PC: variants seen among roughly 807,000 people sequenced by gnomAD.
The protein encoded by PC is pyruvate carboxylase.
In PC, 46 loss-of-function variants were observed where a neutral mutation model predicts 107.8. The observed-to-expected ratio is 0.43, with a 90% CI of 0.34 to 0.55. The LOEUF is 0.55. PC is among the 20% of genes least tolerant of loss of function. The pLI is 0.04. For synonymous variants in PC, 662 were observed against 684.7 expected, an observed-to-expected ratio of 0.97 and a Z score of 0.52; for missense variants, 1,241 against 1,643.1, an observed-to-expected ratio of 0.76 and a Z score of 4.23.
At position 66,944,486 on chromosome 11, in the gene PC, G is replaced by C. The variant is rs1427898791; in HGVS notation, c.-1+7944C>G. On this transcript the variant is annotated intron_variant, in intron 3 of 22. Transcript: ENST00000393960. Reference sequence around the variant, plus strand: ...CCCAGCTACTCAGGAGTCTGAGGCAGGAGAATCGCTTGAACCTGGGAGGCA... The same window carrying C: ...CCCAGCTACTCAGGAGTCTGAGGCACGAGAATCGCTTGAACCTGGGAGGCA... Among the ~76,000 whole-genome samples the C allele has an allele frequency of 1.8e-5, 2 of 110,684 alleles. 1 individual carries two copies. The highest frequency in any genetic ancestry group is 4.0e-5 in the Non-Finnish European group (2 of 50,580). 72.6% of individuals were successfully genotyped at this position (110,684 alleles called of 152,430 possible). A position where few individuals can be genotyped will look rare whatever the true frequency, so the allele number is the denominator to read the frequency against.
intron 3 of PC, among the ~76,000 whole-genome samples, chr11:66,888,804 A>AGG (rs1157746378): frequency 6.6e-6 from 1 of 152,220 alleles, no homozygotes; most frequent in Non-Finnish European, 1.5e-5. Flanking sequence ...GGCTGGGTGC[A>AGG]GTGGCTCACA....
In PC at chr11:66,858,858, C is replaced by T. The variant is rs1383806190; in HGVS notation, c.1368+4916G>A. 1 of 1,554,438 alleles carries T rather than the reference C, an allele frequency of 6.4e-7. No homozygotes were observed. Among genetic ancestry groups the T allele is most frequent in the Non-Finnish European group, 8.7e-7 (1 of 1,150,260 alleles). On this transcript the variant is annotated intron_variant, in intron 12 of 22. Transcript: ENST00000393960. This position sits in a 1 kb window ranked among gnomAD's most constrained non-coding sequence, Gnocchi z 5.9. ...AGTAGAACTGCGGGTGCTGGCCTTG[C>T]CCCATGGTGGGAACAGCAGTGCCGA...
Position 66,849,016 on chromosome 11 carries a change from G to C in PC, c.3420C>G (p.Leu1140=). 1.2e-6 allele frequency: 2 copies of C among 1,614,118 alleles called. No homozygotes were observed. The highest frequency in any genetic ancestry group is 1.7e-6 in the Non-Finnish European group (2 of 1,180,046). ...CCACAGTCTCCATCTTCATGGCACTGAGCACACACAGGGGCTGGCCCTTGG... is the reference window on the plus strand; with the variant it reads ...CCACAGTCTCCATCTTCATGGCACTCAGCACACACAGGGGCTGGCCCTTGG... ...KVAKGQPLCV[L]SAMKMETVVT... The change falls in exon 23 of 23, where the codon CTC becomes CTG. Residue 1140 remains leucine, a synonymous_variant. Transcript: ENST00000393960.
intron 3 of PC, among the ~76,000 whole-genome samples, chr11:66,875,661 G>A (rs1186176646): frequency 6.6e-6 from 1 of 152,132 alleles, no homozygotes; most frequent in Non-Finnish European, 1.5e-5. Flanking sequence ...GAGTTGGGCA[G>A]AGCATGACTC....
At chr11:66,934,377 T>C (rs1948943509) in intron 3 of PC, 1 of 153,248 alleles carries the variant, frequency 6.5e-6, no homozygotes, top group Admixed American at 6.5e-5. Flanking sequence ...GTGTGTTATT[T>C]CATTTGTACA....
At chr11:66,909,523 T>C (rs1399432752) in intron 3 of PC, among the ~76,000 whole-genome samples, 3 of 152,198 alleles carry the variant, frequency 2.0e-5, no homozygotes, top group Admixed American at 6.5e-5. Flanking sequence ...CACAGGCTGC[T>C]ACTGGATTGG....
At chr11:66,952,544 C>T (rs1022588461) in intron 2 of PC, 76 bp from the exon 3 acceptor site, 1 of 152,204 alleles carries the variant, frequency 6.6e-6, no homozygotes, top group Non-Finnish European at 1.5e-5. Flanking sequence ...GGCAAGAACA[C>T]CGATTTTAGA....
Position 66,866,181 on chromosome 11 carries a change from G to T in PC, c.1185+6C>A. 1 of 1,605,142 alleles carries T rather than the reference G, an allele frequency of 6.2e-7. No homozygotes were observed. ...TGGCATCTCCCTCTGCTCGAGCTCC[G>T]CCCACCTCAATGCGGCCGGTGTCCG... On this transcript the variant is annotated splice_donor_region_variant and intron_variant, in intron 11 of 22. Transcript: ENST00000393960. This position sits in a 1 kb window ranked among gnomAD's most constrained non-coding sequence, Gnocchi z 5.4.
chr11:66,948,096 C>G (rs953691722), intron 3 of PC, among the ~76,000 whole-genome samples: 1 of 151,226 alleles, frequency 6.6e-6, no homozygotes, highest in African/African-American at 2.4e-5. Flanking sequence ...ACCTGTAGTT[C>G]CAGCTACTCA....
chr11:66,856,234 G>A (rs530348253), intron 12 of PC, among the ~76,000 whole-genome samples: 3 of 152,380 alleles, frequency 2.0e-5, no homozygotes, highest in East Asian at 3.9e-4. Flanking sequence ...CGGGAGGGAG[G>A]GGCCGCAGGC....
chr11:66,897,067 G>A (rs188274028), intron 3 of PC, among the ~76,000 whole-genome samples: 1 of 152,088 alleles, frequency 6.6e-6, no homozygotes, highest in Non-Finnish European at 1.5e-5. Flanking sequence ...GAGTAGCTGG[G>A]ATTACAGGCG....
Position 66,866,348 on chromosome 11 carries a change from C to T in PC, c.1024G>A (p.Val342Ile), listed in dbSNP as rs776357275. ...EHTVTEEITDVDLVHAQIHVA... is the reference protein window; with the variant it reads ...EHTVTEEITDIDLVHAQIHVA... ...TGGATCTGAGCATGGACCAGGTCTA[C>T]GCTGTAGGGCATTGGGGGGAGGGGG... Residue 342 changes from valine (V) to isoleucine (I), a missense_variant and splice_region_variant, in exon 11 of 23, where the codon GTA becomes ATA. Transcript: ENST00000393960. The surrounding 1 kb of genome is among the most constrained non-coding windows in gnomAD (Gnocchi z 5.4). 19 of 1,602,480 alleles carry T rather than the reference C, an allele frequency of 1.2e-5. 1 individual carries two copies. Among genetic ancestry groups the T allele is most frequent in the South Asian group, 3.3e-5 (3 of 90,732 alleles).
intron 3 of PC, among the ~76,000 whole-genome samples, chr11:66,908,802 C>T (rs11227623): frequency 0.061 from 9,264 of 152,246 alleles, 365 homozygotes; most frequent in Non-Finnish European, 0.093. Flanking sequence ...GAGGTCTGAA[C>T]ACCCCGATGT....
intron 2 of PC, among the ~76,000 whole-genome samples, chr11:66,952,794 C>T (rs1050290847): frequency 2.0e-5 from 3 of 152,174 alleles, no homozygotes; most frequent in Admixed American, 6.6e-5. Flanking sequence ...CCACCCACCT[C>T]GGCCTCCCAA....
intron 3 of PC, among the ~76,000 whole-genome samples, chr11:66,907,099 C>T (rs1948189315): frequency 6.6e-6 from 1 of 152,260 alleles, no homozygotes; most frequent in African/African-American, 2.4e-5. Flanking sequence ...AGGGCCTCCC[C>T]ATGACCACTG....
chr11:66,926,341 A>G (rs191680404), intron 3 of PC, among the ~76,000 whole-genome samples: 1 of 152,280 alleles, frequency 6.6e-6, no homozygotes, highest in Non-Finnish European at 1.5e-5. Context: ...GCAAGCAAAG[A>G]TAATTCAATA....
chr11:66,858,914 C>G lies in PC; in HGVS notation c.1368+4860G>C. ...GCCGCCCCGGGCCCTCGGACATCGC[C>G]GCCTCCGCTCGCACTGCTGCCGAGG... On this transcript the variant is annotated intron_variant, in intron 12 of 22. Coordinates refer to ENST00000393960, the MANE Select transcript of PC (RefSeq NM_001040716.2). This position sits in a 1 kb window ranked among gnomAD's most constrained non-coding sequence, Gnocchi z 5.9. 2 of 1,565,768 alleles carry G rather than the reference C, an allele frequency of 1.3e-6. No homozygotes were observed. Among genetic ancestry groups the G allele is most frequent in the Non-Finnish European group, 1.7e-6 (2 of 1,154,078 alleles).
chr11:66,929,649 G>A (rs1303124876), intron 3 of PC, among the ~76,000 whole-genome samples: 2 of 152,138 alleles, frequency 1.3e-5, no homozygotes, highest in Non-Finnish European at 2.9e-5. Flanking sequence ...TTACAGGTGT[G>A]AGCCACGGTG....
intron 3 of PC, among the ~76,000 whole-genome samples, chr11:66,939,440 C>T (rs1949070860): frequency 6.6e-6 from 1 of 152,170 alleles, no homozygotes; most frequent in African/African-American, 2.4e-5. Context: ...CTATGAAATA[C>T]TGTATCTCAC....
Sources: gnomAD v4.1 joint callset for allele counts (sites outside exome capture counted in the v4.1 genomes callset) on GRCh38, gnomAD v4.1.1 for gene constraint, Gnocchi (gnomAD v3.1) non-coding constraint, MANE v1.5 for transcripts, NCBI Gene and HGNC (gene_info 2026-07-23, HGNC 2026-07-21) for gene names.